The following AQP11 variants were observed in gnomAD, a reference collection of about 807,000 sequenced individuals.
AQP11 encodes the protein aquaporin-11.
Under a neutral mutation model 21.1 loss-of-function variants are expected in AQP11, and 20 were observed. The observed-to-expected ratio is 0.95, with a 90% CI of 0.67 to 1.38. The LOEUF (loss-of-function observed/expected upper bound fraction) is 1.38, where lower values mean the gene tolerates loss of function less well. AQP11 is among the 40% of genes most tolerant of loss of function. AQP11 has a pLI of 0.00. For missense variants in AQP11, 339 were observed against 340.4 expected, an observed-to-expected ratio of 1.00 and a Z score of 0.03; for synonymous variants, 167 against 150.1, an observed-to-expected ratio of 1.11 and a Z score of -0.82.
intron 1 of AQP11, 85 bp downstream of exon 1, chr11:77,590,696 C>A: frequency 6.6e-7 from 1 of 1,516,882 alleles, no homozygotes; most frequent in Non-Finnish European, 8.8e-7. Flanking sequence ...ACATTTGAAA[C>A]CGTCTATCCC....
intron 2 of AQP11, among the ~76,000 whole-genome samples, chr11:77,604,939 A>T (rs1565119767): frequency 1.3e-5 from 2 of 152,344 alleles, no homozygotes; most frequent in East Asian, 1.9e-4. Flanking sequence ...CACGCCTGTA[A>T]TCCCAGTACT....
chr11:77,590,666 T>C, intron 1 of AQP11, 55 bp downstream of exon 1: 1 of 1,544,296 alleles, frequency 6.5e-7, no homozygotes, highest in South Asian at 1.3e-5. Context: ...GACATGAGGC[T>C]GTAAGTTCTT....
rs141340501 is a variant in AQP11 at position 77,590,447 on chromosome 11, G to A, written c.455G>A (p.Ser152Asn). Residue 152 changes from serine to asparagine, a missense_variant, in exon 1 of 3, where the codon AGC becomes AAC. Ser to Asn is a conservative substitution (Grantham distance 46). Coordinates refer to ENST00000313578, the MANE Select transcript of AQP11 (RefSeq NM_173039.3). ...GLTQYHVSER[S>N]FACKNPIRVD... ...ACCCAGTATCACGTCAGCGAGAGGA[G>A]CTTCGCTTGCAAGAATCCCATCCGA... 5.0e-6 allele frequency: 8 copies of A among 1,614,086 alleles called. No homozygotes were observed. The highest frequency in any genetic ancestry group is 2.2e-5 in the East Asian group (1 of 44,854).
At chr11:77,592,281 A>G (rs920522789) in intron 1 of AQP11, among the ~76,000 whole-genome samples, 2 of 152,064 alleles carry the variant, frequency 1.3e-5, no homozygotes, top group Non-Finnish European at 2.9e-5. Flanking sequence ...GAAAAAAAAA[A>G]AGAAAAAGAG....
intron 1 of AQP11, among the ~76,000 whole-genome samples, chr11:77,593,530 G>C (rs1958761112): frequency 6.6e-6 from 1 of 152,124 alleles, no homozygotes; most frequent in Non-Finnish European, 1.5e-5. Flanking sequence ...CCAGCTACTG[G>C]GGAGGCTGAG....
At chr11:77,590,691 T>C in intron 1 of AQP11, 80 bp downstream of exon 1, 4 of 1,521,640 alleles carry the variant, frequency 2.6e-6, no homozygotes, top group Non-Finnish European at 2.6e-6. Flanking sequence ...AAAATACATT[T>C]GAAACCGTCT....
intron 2 of AQP11, among the ~76,000 whole-genome samples, chr11:77,604,388 A>T (rs1220305316): frequency 2.0e-5 from 3 of 152,246 alleles, no homozygotes; most frequent in Non-Finnish European, 4.4e-5. Context: ...GATGGGTCAA[A>T]TAACACACAA....
rs531006433 is a variant in AQP11 at position 77,605,386 on chromosome 11, T to C, written c.736+1714T>C. Among the ~76,000 whole-genome samples the C allele has an allele frequency of 7.2e-5, 11 of 152,236 alleles. No homozygotes were observed. The East Asian group carries it at 2.1e-3, about 29-fold the overall frequency. On this transcript the variant is annotated intron_variant, in intron 2 of 2. Transcript: ENST00000313578. ...CGTGCTCCAACTACTATTGTAACAG[T>C]AGGCTAAGGCAAAGGTCCCCAAACC...
Position 77,590,075 on chromosome 11 carries a change from T to G in AQP11, c.83T>G (p.Met28Arg). ...LGLMLSVVLL[M>R]GLARVVARQQ... is the part of the protein sequence containing the mutation. Reference sequence around the variant, plus strand: ...CTGATGCTGTCGGTGGTGCTGCTCATGGGGCTGGCCCGCGTAGTCGCCCGG... The same window carrying G: ...CTGATGCTGTCGGTGGTGCTGCTCAGGGGGCTGGCCCGCGTAGTCGCCCGG... Residue 28 changes from methionine to arginine, a missense_variant, in exon 1 of 3, where the codon ATG (methionine) becomes AGG (arginine). Physicochemically the swap from Met to Arg is moderately conservative, Grantham distance 91. Coordinates refer to ENST00000313578, the MANE Select transcript of AQP11 (RefSeq NM_173039.3). The G allele has an allele frequency of 6.2e-7, 1 of 1,606,588 alleles. No homozygotes were observed. The highest frequency in any genetic ancestry group is 8.5e-7 in the Non-Finnish European group (1 of 1,178,854).
intron 2 of AQP11, among the ~76,000 whole-genome samples, chr11:77,605,886 T>C (rs983847449): frequency 6.6e-6 from 1 of 151,494 alleles, no homozygotes; most frequent in African/African-American, 2.4e-5. Flanking sequence ...CTACTAAAAA[T>C]ACAAAAATTA....
rs1489120128 is a variant in AQP11, at chr11:77,609,616, AG to A, written c.*240del. ...GTGATGTATTAAATGCTGCTAGAAA[AG>A]CCTCATTACATTAAATATAAATCAA... On this transcript the variant is annotated 3_prime_UTR_variant, in exon 3 of 3. Coordinates refer to ENST00000313578, the MANE Select transcript of AQP11 (RefSeq NM_173039.3). 1.7e-5 allele frequency: 6 copies of A among 345,150 alleles called. No individual in the cohort carries two copies. Among genetic ancestry groups the A allele is most frequent in the Non-Finnish European group, 2.6e-5 (5 of 191,940 alleles). The allele number at this position is 345,150 out of a possible 1,614,324, so 21.4% of individuals were successfully genotyped here. A position where few individuals can be genotyped will look rare whatever the true frequency, so the allele number is the denominator to read the frequency against.
intron 1 of AQP11, among the ~76,000 whole-genome samples, chr11:77,599,080 C>T (rs1412049654): frequency 6.6e-6 from 1 of 152,196 alleles, no homozygotes; most frequent in East Asian, 1.9e-4. Flanking sequence ...AGGGTTTCTC[C>T]ATGTTGGTCA....
chr11:77,593,890 G>A (rs1421100572), intron 1 of AQP11, among the ~76,000 whole-genome samples: 12 of 152,152 alleles, frequency 7.9e-5, no homozygotes, highest in Admixed American at 7.9e-4. Flanking sequence ...AAAAAGGAAT[G>A]AAGTTATGAT....
chr11:77,607,579 T>C (rs140040183), intron 2 of AQP11, among the ~76,000 whole-genome samples: 1 of 152,122 alleles, frequency 6.6e-6, no homozygotes, highest in East Asian at 1.9e-4. Flanking sequence ...CTTACCAAAT[T>C]AAAAATTTAG....
intron 2 of AQP11, among the ~76,000 whole-genome samples, chr11:77,608,059 T>C (rs1565120537): frequency 6.6e-6 from 1 of 152,208 alleles, no homozygotes; most frequent in Non-Finnish European, 1.5e-5. Context: ...AGGTTTTTTG[T>C]TGTTGCAAAC....
chr11:77,606,036 C>CAAA lies in AQP11; in HGVS notation c.736+2389_736+2391dup, dbSNP rs11326964. Among the ~76,000 whole-genome samples, 18 of 64,006 alleles carry CAAA rather than the reference C, an allele frequency of 2.8e-4. 3 individuals carry two copies. The highest frequency in any genetic ancestry group is 8.3e-4 in the African/African-American group (16 of 19,218). 42.0% of individuals were successfully genotyped at this position (64,006 alleles called of 152,430 possible). A position where few individuals can be genotyped will look rare whatever the true frequency, so the allele number is the denominator to read the frequency against. On this transcript the variant is annotated intron_variant, in intron 2 of 2. Transcript: ENST00000313578. ...CTAGCCTGGGCGACAGAGCGAGTCT[C>CAAA]AAAAAAAAAAAAAAAAAAAAAAAAA...
chr11:77,604,169 C>T (rs9634032), intron 2 of AQP11, among the ~76,000 whole-genome samples: 115,936 of 151,902 alleles, frequency 0.76, 44,688 homozygotes, highest in African/African-American at 0.86. Flanking sequence ...TTGAGGGCAG[C>T]GGCATGATCA....
At position 77,590,471 on chromosome 11, in the gene AQP11, G is replaced by A. The variant is rs906640651; in HGVS notation, c.479G>A (p.Arg160Gln). 3.7e-6 allele frequency: 6 copies of A among 1,614,040 alleles called. 1 individual carries two copies. In the South Asian group the frequency reaches 4.4e-5, roughly 12 times the overall value. The change falls in exon 1 of 3, where the codon CGA (arginine) becomes CAA (glutamine). Residue 160 changes from arginine to glutamine, a missense_variant. Transcript: ENST00000313578. Reference protein sequence around the residue: ...ERSFACKNPIRVDLLKAVITE... With the variant: ...ERSFACKNPIQVDLLKAVITE... ...AGCTTCGCTTGCAAGAATCCCATCCGAGTCGACTTGCTCAAAGCGGTCATC... is the reference window on the plus strand; with the variant it reads ...AGCTTCGCTTGCAAGAATCCCATCCAAGTCGACTTGCTCAAAGCGGTCATC...
At chr11:77,606,237 A>G (rs1391100729) in intron 2 of AQP11, among the ~76,000 whole-genome samples, 3 of 152,140 alleles carry the variant, frequency 2.0e-5, no homozygotes, top group Non-Finnish European at 2.9e-5. Context: ...AGTAATGACA[A>G]TCTCTGTAAA....
Sources: gnomAD v4.1 joint callset for allele counts (sites outside exome capture counted in the v4.1 genomes callset) on GRCh38, gnomAD v4.1.1 for gene constraint, MANE v1.5 for transcripts, NCBI Gene and HGNC (gene_info 2026-07-23, HGNC 2026-07-21) for gene names.